Variants in RBFOX1 observed in about 807,000 individuals in gnomAD.
RBFOX1 encodes RNA binding fox-1 homolog 1.
A neutral mutation model predicts 57.7 loss-of-function variants in RBFOX1; 8 were observed. The ratio of observed to expected loss-of-function variants is 0.14; its 90% confidence interval spans 0.08 to 0.25. RBFOX1 has a LOEUF of 0.25. Ranked by LOEUF, RBFOX1 falls within the 10% of genes least tolerant of loss-of-function variation. The probability of loss-of-function intolerance (pLI) is 1.00; values close to 1 mark genes in which losing one functional copy is unlikely to be tolerated. For missense variants in RBFOX1, 611 were observed against 548.5 expected (o/e 1.11, Z -1.14); for synonymous variants, 326 against 222.4 (o/e 1.47, Z -4.15).
chr16:6,541,761 G>C (rs2096823080), intron 2 of RBFOX1, among the ~76,000 whole-genome samples: 1 of 152,102 alleles, frequency 6.6e-6, no homozygotes, highest in South Asian at 2.1e-4. Context: ...GATAGAGGAA[G>C]GATACTGGAC....
chr16:7,696,893 C>T (rs1163650125), intron 14 of RBFOX1, among the ~76,000 whole-genome samples: 2 of 152,102 alleles, frequency 1.3e-5, no homozygotes, highest in South Asian at 2.1e-4. Context: ...TGCAGAGACC[C>T]TGTGGTTGAG....
chr16:6,475,638 C>G (rs1377512784), intron 2 of RBFOX1, among the ~76,000 whole-genome samples: 1 of 152,200 alleles, frequency 6.6e-6, no homozygotes, highest in Non-Finnish European at 1.5e-5. Flanking sequence ...GCTCACCTTT[C>G]TTAATGTAAC....
At chr16:6,353,640 G>T (rs1049421151) in intron 2 of RBFOX1, among the ~76,000 whole-genome samples, 2 of 152,064 alleles carry the variant, frequency 1.3e-5, no homozygotes, top group African/African-American at 4.8e-5. Flanking sequence ...GAATTCAAAG[G>T]GGGCTTGTAT....
intron 4 of RBFOX1, among the ~76,000 whole-genome samples, chr16:7,191,752 T>G (rs1313996036): frequency 6.6e-6 from 1 of 152,230 alleles, no homozygotes; most frequent in Non-Finnish European, 1.5e-5. Flanking sequence ...GAGCGAAAGC[T>G]GAAATAATTG....
chr16:7,016,386 A>T (rs1195321885), intron 3 of RBFOX1, among the ~76,000 whole-genome samples: 2 of 152,288 alleles, frequency 1.3e-5, no homozygotes, highest in African/African-American at 4.8e-5. Context: ...AGCCTTTCGG[A>T]TACTGAAAAC....
At chr16:6,815,415 C>T (rs562089486) in intron 3 of RBFOX1, among the ~76,000 whole-genome samples, 1 of 152,220 alleles carries the variant, frequency 6.6e-6, no homozygotes, top group East Asian at 1.9e-4. Flanking sequence ...TTTACCTAAC[C>T]CCTTTTCAAG....
At chr16:7,114,138 A>G (rs2065371439) in intron 4 of RBFOX1, among the ~76,000 whole-genome samples, 1 of 152,168 alleles carries the variant, frequency 6.6e-6, no homozygotes, top group Admixed American at 6.6e-5. Context: ...TGAGTTTTTA[A>G]CTTTCAGTTG....
At chr16:6,731,237 C>T (rs891064687) in intron 3 of RBFOX1, among the ~76,000 whole-genome samples, 2 of 152,178 alleles carry the variant, frequency 1.3e-5, no homozygotes, top group Admixed American at 6.5e-5. Flanking sequence ...ATACTGAAGG[C>T]TAATGGGAAA....
At chr16:6,755,839 C>T (rs377471582) in intron 3 of RBFOX1, among the ~76,000 whole-genome samples, 2 of 152,088 alleles carry the variant, frequency 1.3e-5, no homozygotes, top group East Asian at 1.9e-4. Context: ...AATATGGATT[C>T]TTTCAGAGCT....
At chr16:6,607,200 T>A (rs1480335000) in intron 2 of RBFOX1, among the ~76,000 whole-genome samples, 1 of 152,166 alleles carries the variant, frequency 6.6e-6, no homozygotes, top group East Asian at 1.9e-4. Context: ...TGACTACTGA[T>A]TGGGGACAAT....
intron 3 of RBFOX1, among the ~76,000 whole-genome samples, chr16:6,797,369 A>G (rs1603625777): frequency 6.6e-6 from 1 of 152,146 alleles, no homozygotes; most frequent in African/African-American, 2.4e-5. Context: ...GAGAGTGGAG[A>G]TTATTAACAG....
chr16:6,069,487 C>A (rs759466139), intron 1 of RBFOX1, among the ~76,000 whole-genome samples: 4 of 151,642 alleles, frequency 2.6e-5, no homozygotes. Flanking sequence ...GTCCTGCCTT[C>A]CCCATGTCAT....
At chr16:7,210,678 C>T (rs1008890071) in intron 4 of RBFOX1, among the ~76,000 whole-genome samples, 7 of 152,090 alleles carry the variant, frequency 4.6e-5, no homozygotes, top group African/African-American at 1.7e-4. Flanking sequence ...TGTTAAAGTT[C>T]TTACATGTGT....
At chr16:5,899,253 T>C (rs1482105988) in intron 4 of RBFOX1, among the ~76,000 whole-genome samples, 2 of 151,736 alleles carry the variant, frequency 1.3e-5, no homozygotes. Flanking sequence ...CACAATCTTA[T>C]CTTTAGTCTA....
intron 3 of RBFOX1, among the ~76,000 whole-genome samples, chr16:7,017,880 C>A (rs1226583417): frequency 6.6e-6 from 1 of 152,096 alleles, no homozygotes; most frequent in African/African-American, 2.4e-5. Flanking sequence ...GTCTTCGAGG[C>A]TTAGCAACAA....
chr16:7,708,373 A>T (rs2083188978), intron 14 of RBFOX1, among the ~76,000 whole-genome samples: 1 of 152,190 alleles, frequency 6.6e-6, no homozygotes, highest in Non-Finnish European at 1.5e-5. Context: ...AGAGAGAAAA[A>T]CACAAAGATG....
At chr16:6,948,375 C>CTTTTTTTTTTTTTTTTTTTTTTT (rs968186299) in intron 3 of RBFOX1, among the ~76,000 whole-genome samples, 2 of 67,964 alleles carry the variant, frequency 2.9e-5, no homozygotes, top group Admixed American at 1.6e-4. Flanking sequence ...TTCTCCCTTT[C>CTTTTTTTTTTTTTTTTTTTTTTT]TTTTTTTTTT....
chr16:7,479,672 C>T (rs1480316635), intron 4 of RBFOX1, among the ~76,000 whole-genome samples: 3 of 152,108 alleles, frequency 2.0e-5, no homozygotes, highest in Non-Finnish European at 2.9e-5. Flanking sequence ...AAGTCTAGCC[C>T]CTCTTGGGGC....
At chr16:5,628,912 A>G (rs143921394) in intron 3 of RBFOX1, among the ~76,000 whole-genome samples, 265 of 152,322 alleles carry the variant, frequency 1.7e-3, no homozygotes, top group Middle Eastern at 6.8e-3. Flanking sequence ...AAGTCAGATC[A>G]TGTACCAGGG....
Sources: allele counts gnomAD v4.1 joint callset (sites outside exome capture counted in the v4.1 genomes callset), GRCh38; gene constraint gnomAD v4.1.1; transcripts MANE v1.5; gene names NCBI Gene and HGNC (gene_info 2026-07-23, HGNC 2026-07-21).